The following ECE1 variants were observed in gnomAD, a reference collection of about 807,000 sequenced individuals.
ECE1 encodes the protein endothelin-converting enzyme 1.
Under a neutral mutation model 98.6 loss-of-function variants are expected in ECE1, and 35 were observed. The observed-to-expected ratio is 0.35, with a 90% CI of 0.27 to 0.47. ECE1 has a LOEUF of 0.47. Ranked by LOEUF, ECE1 falls within the 20% of genes least tolerant of loss-of-function variation. ECE1 has a pLI of 1.00. For missense variants in ECE1, 814 were observed against 1,025.3 expected, an observed-to-expected ratio of 0.79 and a Z score of 2.81; for synonymous variants, 394 against 407.1, an observed-to-expected ratio of 0.97 and a Z score of 0.39.
intron 1 of ECE1, among the ~76,000 whole-genome samples, chr1:21,295,707 G>A (rs1360412484): frequency 1.3e-5 from 2 of 152,050 alleles, no homozygotes; most frequent in Non-Finnish European, 2.9e-5. Flanking sequence ...TCTGTTTTCC[G>A]TGATTCTGAT....
chr1:21,316,109 C>G (rs1638827819), intron 1 of ECE1, among the ~76,000 whole-genome samples: 1 of 152,214 alleles, frequency 6.6e-6, no homozygotes, highest in South Asian at 2.1e-4. Flanking sequence ...ACACAATGCG[C>G]CAGACACTGT....
At chr1:21,244,601 A>G (rs535035828) in intron 10 of ECE1, among the ~76,000 whole-genome samples, 36 of 152,214 alleles carry the variant, frequency 2.4e-4, no homozygotes, top group Non-Finnish European at 4.4e-5. Context: ...CCAGAATACA[A>G]ACTGGGAGGA....
chr1:21,293,848 CG>C (rs1349030482), upstream of ECE1: 3 of 152,408 alleles, frequency 2.0e-5, no homozygotes, highest in African/African-American at 7.2e-5. Context: ...TCACAAGTAC[CG>C]CTTCCAGCTT....
intron 1 of ECE1, chr1:21,298,651 A>G (rs1569699691): frequency 4.7e-6 from 2 of 421,514 alleles, no homozygotes; most frequent in Non-Finnish European, 9.7e-6. Context: ...TCGGTGGCAC[A>G]TGTCAGCTCC....
intron 1 of ECE1, among the ~76,000 whole-genome samples, chr1:21,305,330 G>A (rs1355954758): frequency 6.6e-6 from 1 of 152,180 alleles, no homozygotes; most frequent in Non-Finnish European, 1.5e-5. Flanking sequence ...TGCAGTGCTT[G>A]ACAGAGAGCA....
At chr1:21,256,178 C>A (rs764924508) in intron 7 of ECE1, 40 bp from the exon 8 acceptor site, 63 of 1,570,144 alleles carry the variant, frequency 4.0e-5, no homozygotes, top group Non-Finnish European at 5.2e-5. Context: ...GGCTGCCCCC[C>A]CACTATCCAC....
intron 1 of ECE1, among the ~76,000 whole-genome samples, chr1:21,315,081 T>C (rs750182147): frequency 1.6e-4 from 25 of 152,224 alleles, no homozygotes; most frequent in Non-Finnish European, 2.6e-4. Context: ...CCAGGCACTG[T>C]GTTAAGACTG....
rs1298471282 is a variant in ECE1 at position 21,290,378 on chromosome 1, G to A, written c.37C>T (p.Leu13=). 8.2e-7 allele frequency: 1 copy of A among 1,222,930 alleles called. No individual in the cohort carries two copies. Among genetic ancestry groups the A allele is most frequent in the Non-Finnish European group, 1.0e-6 (1 of 984,300 alleles). The allele number at this position is 1,222,930 out of a possible 1,614,324, so 75.8% of individuals were successfully genotyped here. Residue 13 remains leucine (L), a synonymous_variant, in exon 1 of 19, where the codon CTG becomes TTG. Coordinates refer to ENST00000374893, the MANE Select transcript of ECE1 (RefSeq NM_001397.3). This position sits in a 1 kb window ranked among gnomAD's most constrained non-coding sequence, Gnocchi z 7.3. ...GCCCGCCTCACCCCCAGCGCCGACA[G>A]CAGGGCGGACACCGGGGGCGGCCAC... ...GVWPPPVSAL[L]SALGMSTYKR... is the part of the protein sequence containing the mutation.
At chr1:21,301,691 T>C (rs2103378330) in intron 1 of ECE1, among the ~76,000 whole-genome samples, 1 of 151,056 alleles carries the variant, frequency 6.6e-6, no homozygotes, top group South Asian at 2.1e-4. Flanking sequence ...GGTGGCGTGG[T>C]GGCTCACATC....
intron 1 of ECE1, among the ~76,000 whole-genome samples, chr1:21,300,812 T>A (rs1033440071): frequency 6.6e-6 from 1 of 152,102 alleles, no homozygotes; most frequent in Non-Finnish European, 1.5e-5. Context: ...CCAGACTACA[T>A]AGGTTCAAGT....
intron 10 of ECE1, 63 bp from the exon 11 acceptor site, chr1:21,238,307 G>T: frequency 7.5e-7 from 1 of 1,332,986 alleles, no homozygotes; most frequent in Admixed American, 1.9e-5. Flanking sequence ...CCCCTTTCTT[G>T]CTGGGAGGTA....
At chr1:21,331,065 C>G (rs1030289988) in intron 1 of ECE1, among the ~76,000 whole-genome samples, 1 of 152,004 alleles carries the variant, frequency 6.6e-6, no homozygotes, top group Admixed American at 6.6e-5. Flanking sequence ...CGCTTGAGCC[C>G]GAAGTTTGAG....
intron 1 of ECE1, chr1:21,298,160 G>A (rs115300915): frequency 2.8e-3 from 436 of 157,698 alleles, no homozygotes; most frequent in Middle Eastern, 0.01. Flanking sequence ...TTTCTCAAGT[G>A]GAACTGCCTC....
At chr1:21,242,194 T>C (rs557325738) in intron 10 of ECE1, among the ~76,000 whole-genome samples, 4 of 152,134 alleles carry the variant, frequency 2.6e-5, no homozygotes, top group Non-Finnish European at 5.9e-5. Flanking sequence ...AGATGGGAGA[T>C]TGAGCCCCTG....
Position 21,247,309 on chromosome 1 carries a change from C to A in ECE1, c.1075G>T (p.Val359Leu). ...LPFLNTIFYP[V>L]EINESEPIVV... ...ATAGGCTCGGATTCATTGATCTCCACGGGGTAGAAGATGGTGTTGAGAAAA... is the reference window on the plus strand; with the variant it reads ...ATAGGCTCGGATTCATTGATCTCCAAGGGGTAGAAGATGGTGTTGAGAAAA... Residue 359 changes from valine (V) to leucine (L), a missense_variant, in exon 9 of 19, where the codon GTG becomes TTG. Val to Leu is a conservative substitution (Grantham distance 32). This residue lies in a region of ECE1 where 452 missense variants were observed against 567.3 expected (regional missense o/e 0.80). Transcript: ENST00000374893. 3.7e-6 allele frequency: 6 copies of A among 1,614,212 alleles called. No individual in the cohort carries two copies. Among genetic ancestry groups the A allele is most frequent in the Non-Finnish European group, 5.1e-6 (6 of 1,180,048 alleles).
chr1:21,262,132 G>C (rs905735802), intron 4 of ECE1, among the ~76,000 whole-genome samples: 3 of 152,184 alleles, frequency 2.0e-5, no homozygotes, highest in Non-Finnish European at 4.4e-5. Flanking sequence ...GCCCTGAAAG[G>C]GGGACGGGAC....
chr1:21,326,512 A>G (rs1639081396), intron 1 of ECE1, among the ~76,000 whole-genome samples: 1 of 152,054 alleles, frequency 6.6e-6, no homozygotes, highest in South Asian at 2.1e-4. Context: ...CCTAGAACCT[A>G]GTGAGAAAAA....
intron 9 of ECE1, among the ~76,000 whole-genome samples, chr1:21,246,183 T>G (rs2098203254): frequency 1.3e-5 from 2 of 152,122 alleles, no homozygotes; most frequent in African/African-American, 4.8e-5. Context: ...ATTTTTTTGG[T>G]AGTTTTCAAA....
At chr1:21,297,451 C>G (rs908393801) in intron 1 of ECE1, among the ~76,000 whole-genome samples, 1 of 152,140 alleles carries the variant, frequency 6.6e-6, no homozygotes, top group Non-Finnish European at 1.5e-5. Flanking sequence ...ACCCCCTGAC[C>G]CCCTTGATCT....
Sources: allele counts gnomAD v4.1 joint callset (sites outside exome capture counted in the v4.1 genomes callset), GRCh38; gene constraint gnomAD v4.1.1; regional missense constraint gnomAD v4.1.1; non-coding constraint Gnocchi (gnomAD v3.1); transcripts MANE v1.5; gene names NCBI Gene and HGNC (gene_info 2026-07-23, HGNC 2026-07-21).